STXBP6: variants seen among roughly 807,000 people sequenced by gnomAD.
The protein encoded by STXBP6 is syntaxin binding protein 6.
STXBP6 carries 21 observed loss-of-function variants against 26.9 expected under a neutral mutation model. That is an observed-to-expected ratio of 0.78 (90% CI 0.55 to 1.12). The LOEUF is 1.12. Among genes scored for constraint, STXBP6 ranks in the 50% most tolerant of loss-of-function variants. The pLI is 0.00. For missense variants in STXBP6, 232 were observed against 257.9 expected (o/e 0.90, Z 0.69); for synonymous variants, 97 against 92.6 (o/e 1.05, Z -0.27).
intron 1 of STXBP6, among the ~76,000 whole-genome samples, chr14:24,980,281 T>A (rs543977813): frequency 1.3e-5 from 2 of 152,342 alleles, no homozygotes; most frequent in East Asian, 1.9e-4. Flanking sequence ...GAGGCCAATT[T>A]AGCCCCTTTA....
chr14:24,955,497 A>G (rs2073312867), intron 2 of STXBP6, among the ~76,000 whole-genome samples: 1 of 152,198 alleles, frequency 6.6e-6, no homozygotes, highest in Non-Finnish European at 1.5e-5. Context: ...GGATAAGGAC[A>G]GACAGCTTGG....
intron 2 of STXBP6, among the ~76,000 whole-genome samples, chr14:24,906,237 AT>A (rs2071382094): frequency 6.6e-6 from 1 of 152,170 alleles, no homozygotes; most frequent in Admixed American, 6.6e-5. Context: ...TTACTTTTCA[AT>A]TTACATATAA....
intron 2 of STXBP6, among the ~76,000 whole-genome samples, chr14:24,938,858 A>G (rs2072697556): frequency 6.6e-6 from 1 of 152,172 alleles, no homozygotes; most frequent in Non-Finnish European, 1.5e-5. Flanking sequence ...TAAGGCACTT[A>G]ACATGTATTC....
At chr14:24,926,371 T>C (rs1391268910) in intron 2 of STXBP6, among the ~76,000 whole-genome samples, 1 of 152,176 alleles carries the variant, frequency 6.6e-6, no homozygotes, top group African/African-American at 2.4e-5. Context: ...CTCGCCATGT[T>C]GCTTGGACTA....
At chr14:24,909,559 T>C (rs1251850915) in intron 2 of STXBP6, among the ~76,000 whole-genome samples, 1 of 151,914 alleles carries the variant, frequency 6.6e-6, no homozygotes, top group African/African-American at 2.4e-5. Context: ...GGCAGGTGGA[T>C]TGCTTGAGTC....
intron 1 of STXBP6, among the ~76,000 whole-genome samples, chr14:25,043,430 C>T (rs1438854898): frequency 6.6e-6 from 1 of 152,070 alleles, no homozygotes; most frequent in Non-Finnish European, 1.5e-5. Context: ...GATCCAACTA[C>T]CTTCTTCCTA....
chr14:25,049,979 C>G lies in STXBP6; in HGVS notation c.-134G>C, dbSNP rs1324998942. Reference sequence around the variant, plus strand: ...CTGCCCCGCGCGGGGCTCCGGGCTCCGGACAAGGCTTAGCCGGCCCGGGTG... The same window carrying G: ...CTGCCCCGCGCGGGGCTCCGGGCTCGGGACAAGGCTTAGCCGGCCCGGGTG... On this transcript the variant is annotated 5_prime_UTR_variant, in exon 1 of 6. Coordinates refer to ENST00000323944, the MANE Select transcript of STXBP6 (RefSeq NM_001394410.1). This position sits in a 1 kb window ranked among gnomAD's most constrained non-coding sequence, Gnocchi z 5.6. 2 of 709,684 alleles carry G rather than the reference C, an allele frequency of 2.8e-6. No individual in the cohort carries two copies. Among genetic ancestry groups the G allele is most frequent in the Non-Finnish European group, 3.5e-6 (2 of 578,244 alleles). The allele number at this position is 709,684 out of a possible 1,614,324, so 44.0% of individuals were successfully genotyped here.
Position 24,882,205 on chromosome 14 carries a change from C to T in STXBP6, c.155-25048G>A, listed in dbSNP as rs543642856. ...CCATCCCGGCTAAAACGGTGAAACC[C>T]CGTCTCTACTAAAAATACAAAAAAT... is the stretch of plus-strand genomic sequence containing the variant. On this transcript the variant is annotated intron_variant, in intron 2 of 5. Coordinates refer to ENST00000323944, the MANE Select transcript of STXBP6 (RefSeq NM_001394410.1). Among the ~76,000 whole-genome samples the T allele has an allele frequency of 4.7e-4, 71 of 150,344 alleles. No homozygotes were observed. In the East Asian group the frequency reaches 0.01, roughly 21 times the overall value.
intron 2 of STXBP6, among the ~76,000 whole-genome samples, chr14:24,936,405 G>C (rs1049199259): frequency 2.0e-5 from 3 of 152,192 alleles, no homozygotes; most frequent in African/African-American, 7.2e-5. Context: ...GAGGTCACTA[G>C]TTTGAAGAAA....
At chr14:24,866,486 T>C (rs1423894375) in intron 2 of STXBP6, among the ~76,000 whole-genome samples, 2 of 152,046 alleles carry the variant, frequency 1.3e-5, no homozygotes, top group Admixed American at 1.3e-4. Flanking sequence ...ATTGGTTCTG[T>C]TTCTGGAGAA....
intron 2 of STXBP6, among the ~76,000 whole-genome samples, chr14:24,967,225 T>C (rs1441652408): frequency 4.6e-5 from 7 of 152,108 alleles, no homozygotes; most frequent in Admixed American, 3.9e-4. Context: ...ATTAAAGGAG[T>C]TAACATGTGG....
intron 2 of STXBP6, among the ~76,000 whole-genome samples, chr14:24,954,129 T>C (rs2140078140): frequency 6.6e-6 from 1 of 152,282 alleles, no homozygotes; most frequent in Non-Finnish European, 1.5e-5. Flanking sequence ...TCACAGCTCC[T>C]TAATGAAGGT....
intron 4 of STXBP6, among the ~76,000 whole-genome samples, chr14:24,847,665 T>A (rs1294244677): frequency 6.6e-6 from 1 of 152,162 alleles, no homozygotes; most frequent in African/African-American, 2.4e-5. Context: ...ATCTCTAGTT[T>A]TGGAAGTAGA....
intron 2 of STXBP6, among the ~76,000 whole-genome samples, chr14:24,951,089 A>G (rs1202052387): frequency 1.3e-5 from 2 of 152,150 alleles, no homozygotes; most frequent in African/African-American, 2.4e-5. Flanking sequence ...TTATGGCTGC[A>G]TAGTATTCCA....
intron 2 of STXBP6, among the ~76,000 whole-genome samples, chr14:24,862,172 T>TA (rs199793448): frequency 6.6e-6 from 1 of 151,942 alleles, no homozygotes. Context: ...AGCTAACTTT[T>TA]ATTTTTTTTG....
rs5807279 is a variant in STXBP6 at position 25,049,965 on chromosome 14, G to GGGGATCC, written c.-121_-120insGGATCCC. The GGGGATCC allele has an allele frequency of 6.3e-5, 46 of 725,526 alleles. No individual in the cohort carries two copies. The African/African-American group carries it at 7.6e-4, about 12-fold the overall frequency. 44.9% of individuals were successfully genotyped at this position (725,526 alleles called of 1,614,324 possible). A position where few individuals can be genotyped will look rare whatever the true frequency, so the allele number is the denominator to read the frequency against. On this transcript the variant is annotated 5_prime_UTR_variant, in exon 1 of 6. Coordinates refer to ENST00000323944, the MANE Select transcript of STXBP6 (RefSeq NM_001394410.1). This position sits in a 1 kb window ranked among gnomAD's most constrained non-coding sequence, Gnocchi z 5.6. ...TCCTCCCCGGGGGGCTGCCCCGCGCGGGGCTCCGGGCTCCGGACAAGGCTT... is the reference window on the plus strand; with the variant it reads ...TCCTCCCCGGGGGGCTGCCCCGCGCGGGGATCCGGGCTCCGGGCTCCGGACAAGGCTT...
chr14:24,853,880 T>C (rs1033833774), intron 4 of STXBP6, among the ~76,000 whole-genome samples: 1 of 151,832 alleles, frequency 6.6e-6, no homozygotes, highest in Admixed American at 6.6e-5. Flanking sequence ...ACAGAAGCAG[T>C]GTGGTGGGGC....
At chr14:24,849,069 T>C (rs1007923145) in intron 4 of STXBP6, among the ~76,000 whole-genome samples, 2 of 152,138 alleles carry the variant, frequency 1.3e-5, no homozygotes, top group African/African-American at 4.8e-5. Context: ...GGTACACTGC[T>C]GGGGTCCCAA....
chr14:24,905,186 T>C (rs115674585), intron 2 of STXBP6, among the ~76,000 whole-genome samples: 4,363 of 152,276 alleles, frequency 0.029, 217 homozygotes, highest in African/African-American at 0.098. Context: ...TTCAGACTTA[T>C]CCATGCTTTT....
Sources: allele counts gnomAD v4.1 joint callset (sites outside exome capture counted in the v4.1 genomes callset), GRCh38; gene constraint gnomAD v4.1.1; non-coding constraint Gnocchi (gnomAD v3.1); transcripts MANE v1.5; gene names NCBI Gene and HGNC (gene_info 2026-07-23, HGNC 2026-07-21).